CDC14A: variants seen among roughly 807,000 people sequenced by gnomAD.
CDC14A encodes the protein cell division cycle 14A.
CDC14A carries 53 observed loss-of-function variants against 74.4 expected under a neutral mutation model. The ratio of observed to expected loss-of-function variants is 0.71; its 90% CI spans 0.57 to 0.89. CDC14A has a LOEUF of 0.89. CDC14A is among the 40% of genes least tolerant of loss of function. The pLI is 0.00. For synonymous variants in CDC14A, 247 were observed against 258.4 expected, an observed-to-expected ratio of 0.96 and a Z score of 0.43; for missense variants, 646 against 713.7, an observed-to-expected ratio of 0.91 and a Z score of 1.08.
At chr1:100,424,798 C>A (rs942970023) in intron 5 of CDC14A, among the ~76,000 whole-genome samples, 2 of 152,196 alleles carry the variant, frequency 1.3e-5, no homozygotes, top group Non-Finnish European at 2.9e-5. Flanking sequence ...GGAAGCCTTT[C>A]TCTCATTACT....
At chr1:100,435,573 A>T (rs973812250) in intron 5 of CDC14A, among the ~76,000 whole-genome samples, 2 of 152,194 alleles carry the variant, frequency 1.3e-5, no homozygotes, top group Non-Finnish European at 2.9e-5. Context: ...TCACGCCTGT[A>T]ATCCCAGCAC....
intron 4 of CDC14A, among the ~76,000 whole-genome samples, chr1:100,410,138 A>G (rs1392234533): frequency 1.3e-5 from 2 of 151,940 alleles, no homozygotes; most frequent in Non-Finnish European, 2.9e-5. Context: ...CTTGATCCCA[A>G]AACTTTGAGG....
intron 4 of CDC14A, among the ~76,000 whole-genome samples, chr1:100,402,231 T>C (rs546437131): frequency 4.4e-4 from 67 of 152,094 alleles, no homozygotes; most frequent in Non-Finnish European, 8.2e-4. Context: ...GTGCCTGATA[T>C]GAGAGCATGT....
chr1:100,402,515 T>C (rs1358602943), intron 4 of CDC14A, among the ~76,000 whole-genome samples: 6 of 151,702 alleles, frequency 4.0e-5, no homozygotes, highest in Non-Finnish European at 8.8e-5. Context: ...GTTTACTGTT[T>C]TCTTTTAGTT....
At chr1:100,428,883 AATTCCTAAATCTC>A in intron 5 of CDC14A, among the ~76,000 whole-genome samples, 1 of 152,256 alleles carries the variant, frequency 6.6e-6, no homozygotes, top group East Asian at 1.9e-4. Context: ...TATTGGTGAT[AATTCCTAAATCTC>A]CTAAAAGCCA....
chr1:100,506,512 C>T (rs10875296), intron 15 of CDC14A, among the ~76,000 whole-genome samples: 133,751 of 152,210 alleles, frequency 0.88, 61,061 homozygotes, highest in Non-Finnish European at 1. Context: ...TAAATATGCA[C>T]ATAAACTGTT....
chr1:100,431,653 G>A (rs968615851), intron 5 of CDC14A, among the ~76,000 whole-genome samples: 4 of 151,504 alleles, frequency 2.6e-5, no homozygotes, highest in Admixed American at 6.6e-5. Context: ...ACCAGTGTGA[G>A]TAACATAGTA....
intron 10 of CDC14A, 123 bp from the exon 11 acceptor site, chr1:100,484,169 G>C: frequency 1.9e-6 from 1 of 536,740 alleles, no homozygotes; most frequent in South Asian, 3.4e-5. Context: ...TTTCTAGTCT[G>C]ATTTGTAAAT....
intron 10 of CDC14A, among the ~76,000 whole-genome samples, chr1:100,476,191 G>A (rs1668878983): frequency 6.6e-6 from 1 of 152,156 alleles, no homozygotes; most frequent in Non-Finnish European, 1.5e-5. Flanking sequence ...GGTGGCTCAT[G>A]CCTATAATCC....
chr1:100,351,698 C>A, upstream of CDC14A: 1 of 1,505,548 alleles, frequency 6.6e-7, no homozygotes, highest in Non-Finnish European at 9.0e-7. Context: ...AAAGATTAGG[C>A]ATCTGTGATG....
chr1:100,352,007 C>T (rs1379278652), upstream of CDC14A, among the ~76,000 whole-genome samples: 13 of 146,178 alleles, frequency 8.9e-5, no homozygotes, highest in African/African-American at 2.6e-4. Flanking sequence ...TGTGTGTGCG[C>T]GCGCGCGCGC....
intron 9 of CDC14A, 112 bp downstream of exon 9, chr1:100,462,993 T>C: frequency 1.3e-6 from 1 of 753,396 alleles, no homozygotes; most frequent in Non-Finnish European, 2.2e-6. Flanking sequence ...CAATGAGGTT[T>C]TAAATTTCAG....
At chr1:100,361,742 A>C (rs1305484042) in intron 2 of CDC14A, among the ~76,000 whole-genome samples, 1 of 152,192 alleles carries the variant, frequency 6.6e-6, no homozygotes, top group African/African-American at 2.4e-5. Context: ...GCAGTCACTT[A>C]GTTGGGGACT....
At chr1:100,422,259 G>A (rs897402989) in intron 4 of CDC14A, among the ~76,000 whole-genome samples, 3 of 152,138 alleles carry the variant, frequency 2.0e-5, no homozygotes, top group African/African-American at 7.2e-5. Context: ...CATGTGGGCT[G>A]GTGCCTCCCT....
intron 4 of CDC14A, among the ~76,000 whole-genome samples, chr1:100,401,229 T>G (rs1392929782): frequency 6.6e-6 from 1 of 152,252 alleles, no homozygotes; most frequent in African/African-American, 2.4e-5. Flanking sequence ...TACCAGTTTA[T>G]TATCTCTCCC....
At chr1:100,494,382 G>A (rs3767838) in intron 11 of CDC14A, among the ~76,000 whole-genome samples, 142,491 of 152,290 alleles carry the variant, frequency 0.94, 67,206 homozygotes, top group Non-Finnish European at 1. Flanking sequence ...TTACTGTATA[G>A]ATATCCTAAA....
At chr1:100,372,648 C>T (rs1012465290) in intron 2 of CDC14A, among the ~76,000 whole-genome samples, 1 of 152,182 alleles carries the variant, frequency 6.6e-6, no homozygotes, top group Non-Finnish European at 1.5e-5. Context: ...TTTTAGTTCT[C>T]TTGCCATTTC....
chr1:100,465,545 G>C (rs1341283165), intron 9 of CDC14A, among the ~76,000 whole-genome samples: 1 of 152,174 alleles, frequency 6.6e-6, no homozygotes, highest in African/African-American at 2.4e-5. Flanking sequence ...GCAGCACTCA[G>C]TCTTTTAATT....
chr1:100,505,348 C>T (rs964817345), intron 15 of CDC14A, among the ~76,000 whole-genome samples: 2 of 152,100 alleles, frequency 1.3e-5, no homozygotes, highest in South Asian at 2.1e-4. Flanking sequence ...ATTTGACAAA[C>T]GTAAGAACAA....
Sources: gnomAD v4.1 joint callset for allele counts (sites outside exome capture counted in the v4.1 genomes callset) on GRCh38, gnomAD v4.1.1 for gene constraint, MANE v1.5 for transcripts, NCBI Gene and HGNC (gene_info 2026-07-23, HGNC 2026-07-21) for gene names.